The following EGF variants were observed in gnomAD, a reference collection of about 807,000 sequenced individuals.
EGF encodes the protein pro-epidermal growth factor.
In EGF, 95 loss-of-function variants were observed where a neutral mutation model predicts 143.8. That is an observed-to-expected ratio of 0.66 (90% confidence interval 0.56 to 0.78). The LOEUF (loss-of-function observed/expected upper bound fraction) is 0.78. EGF is among the 30% of genes least tolerant of loss of function. EGF has a pLI of 0.00. For missense variants in EGF, 1,320 were observed against 1,470.9 expected, an observed-to-expected ratio of 0.90 and a Z score of 1.68; for synonymous variants, 510 against 510.5, an observed-to-expected ratio of 1.00 and a Z score of 0.01.
At position 109,943,674 on chromosome 4, in the gene EGF, T is replaced by TA. The variant is rs150908894; in HGVS notation, c.510-168_510-167insA. 0.013 allele frequency among the ~76,000 whole-genome samples: 1,968 copies of TA among 152,306 alleles called. 197 individuals carry two copies. In the East Asian group the frequency reaches 0.23, roughly 18 times the overall value. On this transcript the variant is annotated intron_variant, in intron 3 of 23. Coordinates refer to ENST00000265171, the MANE Select transcript of EGF (RefSeq NM_001963.6). ...TAGAGGCATAATTCCCTTTCTAACT[T>TA]GAAATCACTTGTAATGTCTACAATA...
intron 22 of EGF, among the ~76,000 whole-genome samples, chr4:110,007,284 T>C (rs887632946): frequency 2.6e-5 from 4 of 152,250 alleles, no homozygotes; most frequent in Non-Finnish European, 4.4e-5. Flanking sequence ...CTTTCTGTTG[T>C]TTCTGAGTTG....
intron 11 of EGF, among the ~76,000 whole-genome samples, chr4:109,970,773 G>GAGATC (rs1747487668): frequency 6.9e-6 from 1 of 144,078 alleles, no homozygotes; most frequent in Admixed American, 7.0e-5. Flanking sequence ...TGCAGTGAGC[G>GAGATC]GAGATCGCAC....
chr4:109,940,174 G>A (rs1436748372), intron 1 of EGF, among the ~76,000 whole-genome samples: 1 of 152,134 alleles, frequency 6.6e-6, no homozygotes, highest in African/African-American at 2.4e-5. Context: ...AACAGGAGAG[G>A]ACCCCAGGTA....
rs1395191454 is a variant in EGF, at chr4:110,008,213, A to G, written c.3353A>G (p.Asp1118Gly). Reference sequence around the variant, plus strand: ...GGGGGTCAACCAGTGGCTGGTGAGGATGGCCAGGCAGCAGATGGTCAGTTT... The same window carrying G: ...GGGGGTCAACCAGTGGCTGGTGAGGGTGGCCAGGCAGCAGATGGTCAGTTT... ...KNGGQPVAGE[D>G]GQAADGSMQP... Residue 1118 changes from aspartate (D) to glycine (G), a missense_variant, in exon 23 of 24, where the codon GAT becomes GGT. Physicochemically the swap from Asp to Gly is moderately conservative, Grantham distance 94. Transcript: ENST00000265171. 1 of 1,614,014 alleles carries G rather than the reference A, an allele frequency of 6.2e-7. No individual in the cohort carries two copies. Among genetic ancestry groups the G allele is most frequent in the Admixed American group, 1.7e-5 (1 of 59,984 alleles).
chr4:109,994,295 T>G (rs1296918350), intron 19 of EGF, among the ~76,000 whole-genome samples: 3 of 152,166 alleles, frequency 2.0e-5, no homozygotes, highest in African/African-American at 7.2e-5. Context: ...AGAAAAAATT[T>G]TCGAGACTCC....
At chr4:109,964,364 G>A (rs751140890) in intron 9 of EGF, 37 bp from the exon 10 acceptor site, 5 of 1,613,254 alleles carry the variant, frequency 3.1e-6, no homozygotes, top group South Asian at 1.1e-5. Flanking sequence ...TCTAAGGCAC[G>A]TTTTAAATTC....
intron 1 of EGF, among the ~76,000 whole-genome samples, chr4:109,930,054 C>T (rs1739413754): frequency 6.6e-6 from 1 of 152,198 alleles, no homozygotes; most frequent in Non-Finnish European, 1.5e-5. Flanking sequence ...GCTTTGCTGT[C>T]TCTTCTCGCT....
At chr4:109,950,904 G>T (rs1743780518) in intron 5 of EGF, among the ~76,000 whole-genome samples, 1 of 152,142 alleles carries the variant, frequency 6.6e-6, no homozygotes, top group Admixed American at 6.5e-5. Context: ...ATGACACCAT[G>T]CTTAGCTGGA....
At position 110,013,217 on chromosome 4, in the gene EGF, A is replaced by G. The variant is rs1754143178; in HGVS notation, c.*1762A>G. Among the ~76,000 whole-genome samples the G allele has an allele frequency of 2.6e-5, 4 of 152,166 alleles. No individual in the cohort carries two copies. The highest frequency in any genetic ancestry group is 1.5e-5 in the Non-Finnish European group (1 of 68,028). ...CAAGGTTTTCTTTACCTAAGTGTGAATATTTTTTCTTCCTCCAAAAGCTCA... is the reference window on the plus strand; with the variant it reads ...CAAGGTTTTCTTTACCTAAGTGTGAGTATTTTTTCTTCCTCCAAAAGCTCA... On this transcript the variant is annotated 3_prime_UTR_variant, in exon 24 of 24. Coordinates refer to ENST00000265171, the MANE Select transcript of EGF (RefSeq NM_001963.6).
At chr4:109,995,531 C>G (rs1399570357) in intron 20 of EGF, among the ~76,000 whole-genome samples, 1 of 152,122 alleles carries the variant, frequency 6.6e-6, no homozygotes, top group Admixed American at 6.5e-5. Flanking sequence ...TGAGACATTC[C>G]CACTGTGCTC....
chr4:109,959,346 C>A lies in EGF; in HGVS notation c.975C>A (p.Cys325Ter), dbSNP rs1255979886. 1.9e-6 allele frequency: 3 copies of A among 1,613,546 alleles called. No individual in the cohort carries two copies. The highest frequency in any genetic ancestry group is 4.5e-5 in the East Asian group (2 of 44,888). Reference protein sequence around the residue: ...QKLCKLRKGNCSSTVCGQDLQ... With the variant: ...QKLCKLRKGN The stretch of plus-strand genomic sequence containing the variant: ...TTTGCAAATTGAGGAAAGGAAACTG[C>A]AGCAGCACTGTGTGTGGGCAAGACC... The change falls in exon 6 of 24, where the codon TGC (cysteine) becomes TGA (stop). Residue 325 changes from cysteine to a stop codon, truncating the protein, a stop_gained. Coordinates refer to ENST00000265171, the MANE Select transcript of EGF (RefSeq NM_001963.6). LOFTEE classifies it high-confidence loss of function.
intron 1 of EGF, among the ~76,000 whole-genome samples, chr4:109,927,833 G>C (rs1375910852): frequency 6.6e-6 from 1 of 151,114 alleles, no homozygotes; most frequent in South Asian, 2.1e-4. Flanking sequence ...GTGTGTGTGT[G>C]TGTGTGTGTG....
At chr4:109,916,535 G>A (rs1013675945) in intron 1 of EGF, among the ~76,000 whole-genome samples, 2 of 152,018 alleles carry the variant, frequency 1.3e-5, no homozygotes, top group Non-Finnish European at 2.9e-5. Context: ...TTTCAGTGCT[G>A]GCTGTGCATT....
intron 21 of EGF, among the ~76,000 whole-genome samples, chr4:110,002,474 C>A (rs1279583375): frequency 6.6e-6 from 1 of 152,050 alleles, no homozygotes; most frequent in Non-Finnish European, 1.5e-5. Context: ...GCCTGGGTGA[C>A]AAAGCGAGAT....
chr4:109,937,855 G>T (rs1741129807), intron 1 of EGF, among the ~76,000 whole-genome samples: 1 of 152,120 alleles, frequency 6.6e-6, no homozygotes, highest in African/African-American at 2.4e-5. Flanking sequence ...CTCTCTTCTG[G>T]CTGTAGGATT....
intron 15 of EGF, among the ~76,000 whole-genome samples, chr4:109,981,489 A>G (rs1417448110): frequency 6.6e-6 from 1 of 152,214 alleles, no homozygotes. Context: ...GAGGAAGAGG[A>G]AGAGTAAACC....
intron 5 of EGF, among the ~76,000 whole-genome samples, chr4:109,951,518 A>G (rs1298351381): frequency 6.6e-6 from 1 of 152,248 alleles, no homozygotes; most frequent in Non-Finnish European, 1.5e-5. Context: ...GAAATAACCC[A>G]TCTAAGTACA....
intron 1 of EGF, among the ~76,000 whole-genome samples, chr4:109,936,889 A>C (rs1740920397): frequency 6.6e-6 from 1 of 152,106 alleles, no homozygotes; most frequent in Non-Finnish European, 1.5e-5. Context: ...ATTTGATTGG[A>C]CTGTGGTCTG....
At chr4:109,947,149 G>A (rs1320251874) in intron 5 of EGF, among the ~76,000 whole-genome samples, 2 of 147,268 alleles carry the variant, frequency 1.4e-5, no homozygotes, top group African/African-American at 5.2e-5. Flanking sequence ...AAGTTGTTAG[G>A]TTTTTATGAA....
Sources: allele counts gnomAD v4.1 joint callset (sites outside exome capture counted in the v4.1 genomes callset), GRCh38; gene constraint gnomAD v4.1.1; transcripts MANE v1.5; gene names NCBI Gene and HGNC (gene_info 2026-07-23, HGNC 2026-07-21).